ADAM19: variants seen among roughly 807,000 people sequenced by gnomAD.
ADAM19 encodes the protein disintegrin and metalloproteinase domain-containing protein 19.
Under a neutral mutation model 114.7 loss-of-function variants are expected in ADAM19, and 65 were observed. That is an observed-to-expected ratio of 0.57 (90% confidence interval 0.46 to 0.70). The LOEUF (loss-of-function observed/expected upper bound fraction) is 0.70. ADAM19 is among the 30% of genes least tolerant of loss of function. The probability of loss-of-function intolerance (pLI) is 0.00; values close to 1 mark genes in which losing one functional copy is unlikely to be tolerated. For missense variants in ADAM19, 1,063 were observed against 1,204.7 expected, an observed-to-expected ratio of 0.88 and a Z score of 1.74; for synonymous variants, 466 against 460.5, an observed-to-expected ratio of 1.01 and a Z score of -0.15.
At chr5:157,540,524 A>G (rs1383587722) in intron 3 of ADAM19, among the ~76,000 whole-genome samples, 1 of 152,150 alleles carries the variant, frequency 6.6e-6, no homozygotes, top group African/African-American at 2.4e-5. Flanking sequence ...GACCCTCAGC[A>G]CTGAAAGGAA....
intron 3 of ADAM19, among the ~76,000 whole-genome samples, chr5:157,543,213 TTAGA>T (rs1756964516): frequency 1.3e-5 from 2 of 152,214 alleles, no homozygotes; most frequent in South Asian, 2.1e-4. Context: ...AGCCCATTAA[TTAGA>T]TAAATAAAAC....
At chr5:157,508,621 AG>A (rs1755820227) in intron 9 of ADAM19, among the ~76,000 whole-genome samples, 2 of 152,230 alleles carry the variant, frequency 1.3e-5, no homozygotes, top group African/African-American at 4.8e-5. Context: ...AAAAAAGAAA[AG>A]AAGACAAATG....
In ADAM19 at chr5:157,480,648, C is replaced by T. The variant is rs918280506; in HGVS notation, c.*301G>A. The T allele has an allele frequency of 1.3e-5, 16 of 1,197,460 alleles. No homozygotes were observed. The highest frequency in any genetic ancestry group is 4.6e-5 in the East Asian group (1 of 21,820). 74.2% of individuals were successfully genotyped at this position (1,197,460 alleles called of 1,614,324 possible). ...GCCTTGAGCATCTCCATCAGCACCTCGGGGCTAGGAGTCTGGAGGAGAAGC... is the reference window on the plus strand; with the variant it reads ...GCCTTGAGCATCTCCATCAGCACCTTGGGGCTAGGAGTCTGGAGGAGAAGC... On this transcript the variant is annotated 3_prime_UTR_variant, in exon 23 of 23. Coordinates refer to ENST00000257527, the MANE Select transcript of ADAM19 (RefSeq NM_033274.5).
chr5:157,567,742 A>G (rs1179403716), intron 2 of ADAM19, among the ~76,000 whole-genome samples: 1 of 152,090 alleles, frequency 6.6e-6, no homozygotes, highest in Non-Finnish European at 1.5e-5. Flanking sequence ...GGTTGCGGTA[A>G]GCTGAGATCA....
chr5:157,484,558 G>C (rs1195863384), intron 21 of ADAM19, among the ~76,000 whole-genome samples: 1 of 152,146 alleles, frequency 6.6e-6, no homozygotes, highest in East Asian at 1.9e-4. Context: ...GTATTAAAGT[G>C]GACAAAAGGC....
At chr5:157,547,319 T>C (rs532288874) in intron 3 of ADAM19, among the ~76,000 whole-genome samples, 10 of 152,330 alleles carry the variant, frequency 6.6e-5, no homozygotes, top group African/African-American at 2.4e-4. Context: ...GTGGTTTGAA[T>C]GTATCCCCGC....
At chr5:157,493,583 C>T (rs1755247837) in intron 15 of ADAM19, among the ~76,000 whole-genome samples, 1 of 152,120 alleles carries the variant, frequency 6.6e-6, no homozygotes, top group Admixed American at 6.5e-5. Flanking sequence ...TCAATCTTCC[C>T]TCCTTAATTA....
intron 13 of ADAM19, among the ~76,000 whole-genome samples, chr5:157,499,323 A>T (rs1755474152): frequency 6.6e-6 from 1 of 152,084 alleles, no homozygotes; most frequent in Non-Finnish European, 1.5e-5. Flanking sequence ...ATACTTCTTT[A>T]AAAAAGAAAA....
intron 15 of ADAM19, among the ~76,000 whole-genome samples, chr5:157,494,273 A>T (rs1755276105): frequency 2.0e-5 from 3 of 151,878 alleles, no homozygotes; most frequent in Admixed American, 6.6e-5. Context: ...AGATGGATGG[A>T]TGGATGGATG....
intron 3 of ADAM19, among the ~76,000 whole-genome samples, chr5:157,541,648 A>G (rs952326609): frequency 2.0e-5 from 3 of 152,184 alleles, no homozygotes; most frequent in African/African-American, 7.2e-5. Context: ...GAACCTGTAC[A>G]AGCAGCCAGG....
chr5:157,555,521 T>A (rs1757343258), intron 3 of ADAM19, among the ~76,000 whole-genome samples: 1 of 152,212 alleles, frequency 6.6e-6, no homozygotes, highest in African/African-American at 2.4e-5. Flanking sequence ...AAGGGCCACA[T>A]GTCACAGCTT....
At chr5:157,518,935 C>T in intron 6 of ADAM19, 47 bp from the exon 7 acceptor site, 3 of 1,540,308 alleles carry the variant, frequency 1.9e-6, no homozygotes, top group Non-Finnish European at 2.7e-6. Flanking sequence ...TGGACTTGGC[C>T]TCATTTTTAA....
intron 3 of ADAM19, among the ~76,000 whole-genome samples, chr5:157,557,205 G>A (rs1482773296): frequency 6.6e-6 from 1 of 152,224 alleles, no homozygotes; most frequent in Admixed American, 6.5e-5. Flanking sequence ...ACTGCACCTG[G>A]CCAAGTAGTA....
chr5:157,527,002 T>C lies in ADAM19; in HGVS notation c.407+3805A>G, dbSNP rs571201383. 2.6e-5 allele frequency among the ~76,000 whole-genome samples: 4 copies of C among 152,312 alleles called. No homozygotes were observed. The East Asian group carries it at 7.7e-4, about 29-fold the overall frequency. ...GGCCCAAATAAGATTACAGACATTA[T>C]ATTCCTATATTAGTCCGTTTTCACA... On this transcript the variant is annotated intron_variant, in intron 5 of 22. Coordinates refer to ENST00000257527, the MANE Select transcript of ADAM19 (RefSeq NM_033274.5).
intron 3 of ADAM19, among the ~76,000 whole-genome samples, chr5:157,551,202 G>A (rs1305737412): frequency 6.6e-6 from 1 of 151,956 alleles, no homozygotes; most frequent in African/African-American, 2.4e-5. Context: ...GTCAGGAGTT[G>A]CAGACCAGCC....
At chr5:157,487,832 A>T (rs1754995139) in intron 21 of ADAM19, among the ~76,000 whole-genome samples, 1 of 152,060 alleles carries the variant, frequency 6.6e-6, no homozygotes, top group South Asian at 2.1e-4. Flanking sequence ...CATCAACCTC[A>T]GAATTGAGGA....
intron 15 of ADAM19, 95 bp from the exon 16 acceptor site, chr5:157,493,272 C>A: frequency 7.2e-7 from 1 of 1,389,296 alleles, no homozygotes; most frequent in South Asian, 1.3e-5. Context: ...ATCAAGACAG[C>A]AGGCTTGCGT....
chr5:157,490,237 T>G, intron 19 of ADAM19, 73 bp downstream of exon 19: 1 of 1,558,162 alleles, frequency 6.4e-7, no homozygotes, highest in Non-Finnish European at 8.8e-7. Context: ...CCAACACTTT[T>G]GCTAAGTACC....
chr5:157,564,328 C>T (rs1409259378), intron 3 of ADAM19, 45 bp downstream of exon 3: 3 of 1,579,278 alleles, frequency 1.9e-6, no homozygotes, highest in South Asian at 1.1e-5. Context: ...GGCGTTGACA[C>T]AGAAGTTATT....
Sources: allele counts gnomAD v4.1 joint callset (sites outside exome capture counted in the v4.1 genomes callset), GRCh38; gene constraint gnomAD v4.1.1; transcripts MANE v1.5; gene names NCBI Gene and HGNC (gene_info 2026-07-23, HGNC 2026-07-21).